The following PCNT variants were observed in gnomAD, a reference collection of about 807,000 sequenced individuals.
The protein encoded by PCNT is pericentrin.
A neutral mutation model predicts 380.4 loss-of-function variants in PCNT; 319 were observed. The observed-to-expected ratio is 0.84, with a 90% CI of 0.77 to 0.92. PCNT has a LOEUF of 0.92. Ranked by LOEUF, PCNT falls within the 40% of genes least tolerant of loss-of-function variation. The probability of loss-of-function intolerance (pLI) is 0.00; values close to 1 mark genes in which losing one functional copy is unlikely to be tolerated. For missense variants in PCNT, 4,400 were observed against 4,255.3 expected (o/e 1.03, Z -0.95); for synonymous variants, 1,845 against 1,735.2 (o/e 1.06, Z -1.57).
At chr21:46,341,268 G>A (rs1453294246) in intron 3 of PCNT, among the ~76,000 whole-genome samples, 1 of 152,038 alleles carries the variant, frequency 6.6e-6, no homozygotes, top group African/African-American at 2.4e-5. Flanking sequence ...CACTTCTCAG[G>A]ATCTTTTTTT....
In PCNT at chr21:46,391,434, A is replaced by G. The variant is rs1489628376; in HGVS notation, c.4216+58A>G. On this transcript the variant is annotated intron_variant, in intron 21 of 46. Coordinates refer to ENST00000359568, the MANE Select transcript of PCNT (RefSeq NM_006031.6). ...GCTGTGGGGCGCGGATACAGCTGCC[A>G]CGGTTTCCCCAGCTCCCAAGGACAC... 5.0e-6 allele frequency: 7 copies of G among 1,392,636 alleles called. No individual in the cohort carries two copies. The Admixed American group carries it at 8.1e-5, about 16-fold the overall frequency. 86.3% of individuals were successfully genotyped at this position (1,392,636 alleles called of 1,614,324 possible). A position where few individuals can be genotyped will look rare whatever the true frequency, so the allele number is the denominator to read the frequency against.
intron 21 of PCNT, among the ~76,000 whole-genome samples, chr21:46,393,576 C>T (rs922977577): frequency 6.6e-6 from 1 of 152,192 alleles, no homozygotes; most frequent in Non-Finnish European, 1.5e-5. Context: ...TTCATCACCT[C>T]GAGCCCTTGG....
chr21:46,330,713 G>A (rs1030398837), intron 2 of PCNT, among the ~76,000 whole-genome samples: 6 of 152,092 alleles, frequency 3.9e-5, no homozygotes, highest in African/African-American at 1.4e-4. Flanking sequence ...GTTAAAATAG[G>A]AGTAATTTTG....
intron 27 of PCNT, among the ~76,000 whole-genome samples, chr21:46,409,279 C>T (rs1717796944): frequency 6.6e-6 from 1 of 151,186 alleles, no homozygotes; most frequent in South Asian, 2.1e-4. Flanking sequence ...ACCTCCGCCT[C>T]CCAGGCTCAA....
chr21:46,389,076 G>T, intron 18 of PCNT, 123 bp from the exon 19 acceptor site: 1 of 1,272,536 alleles, frequency 7.9e-7, no homozygotes, highest in Non-Finnish European at 1.1e-6. Context: ...CGTGGACGTG[G>T]CGCTGACTCA....
At chr21:46,325,223 C>G in intron 1 of PCNT, 2 of 978,084 alleles carry the variant, frequency 2.0e-6, no homozygotes, top group Non-Finnish European at 2.4e-6. Context: ...GCGCGCCGCT[C>G]CCCCCCAGGA....
At chr21:46,371,112 A>C (rs1029238667) in intron 15 of PCNT, among the ~76,000 whole-genome samples, 1 of 151,890 alleles carries the variant, frequency 6.6e-6, no homozygotes, top group African/African-American at 2.4e-5. Context: ...AGTTCCAGCT[A>C]CTTGGGAGGC....
chr21:46,324,393 C>T, intron 1 of PCNT, 111 bp downstream of exon 1: 1 of 944,262 alleles, frequency 1.1e-6, no homozygotes, highest in Non-Finnish European at 1.7e-6. Context: ...CGGAAGCCGC[C>T]GCGGAGGTCT....
intron 35 of PCNT, among the ~76,000 whole-genome samples, chr21:46,429,351 G>A (rs1264697762): frequency 1.0e-5 from 1 of 96,132 alleles, no homozygotes; most frequent in Middle Eastern, 4.9e-3. Context: ...CGCTGTGCAC[G>A]TGCTCGTGAG....
At chr21:46,349,604 G>A (rs930879661) in intron 7 of PCNT, 80 bp from the exon 8 acceptor site, 1 of 1,474,246 alleles carries the variant, frequency 6.8e-7, no homozygotes, top group African/African-American at 1.4e-5. Context: ...AGCGCTCTGG[G>A]TGCACCATTA....
Position 46,389,438 on chromosome 21 carries a change from C to T in PCNT, c.3840+7C>T. On this transcript the variant is annotated splice_region_variant and intron_variant, in intron 19 of 46. Coordinates refer to ENST00000359568, the MANE Select transcript of PCNT (RefSeq NM_006031.6). Reference sequence around the variant, plus strand: ...CCTGGACTCCAGCAGGCAGGTGAGGCCCAGGCTCCCGGGGTCCTGTGGAGA... The same window carrying T: ...CCTGGACTCCAGCAGGCAGGTGAGGTCCAGGCTCCCGGGGTCCTGTGGAGA... 1 of 1,608,876 alleles carries T rather than the reference C, an allele frequency of 6.2e-7. No individual in the cohort carries two copies. Among genetic ancestry groups the T allele is most frequent in the African/African-American group, 1.3e-5 (1 of 74,936 alleles).
In PCNT at chr21:46,411,727, C is replaced by A. The variant is rs140687867; in HGVS notation, c.5654C>A (p.Ala1885Glu). The A allele has an allele frequency of 1.2e-6, 2 of 1,612,164 alleles. No homozygotes were observed. Among genetic ancestry groups the A allele is most frequent in the South Asian group, 1.1e-5 (1 of 91,084 alleles). The stretch of plus-strand genomic sequence containing the variant: ...ATCGACGCTCTGAACCAGCGGAAGG[C>A]GGCCCACTCTGCCGAGCTGGAGGCC... ...LEIDALNQRK[A>E]AHSAELEAVL... Residue 1885 changes from alanine (A) to glutamate (E), a missense_variant, in exon 28 of 47, where the codon GCG becomes GAG. Physicochemically the swap from Ala to Glu is moderately radical, Grantham distance 107 (BLOSUM62 -1). Coordinates refer to ENST00000359568, the MANE Select transcript of PCNT (RefSeq NM_006031.6).
At chr21:46,443,556 C>T (rs999542701) in intron 44 of PCNT, among the ~76,000 whole-genome samples, 1 of 152,194 alleles carries the variant, frequency 6.6e-6, no homozygotes, top group Admixed American at 6.5e-5. Flanking sequence ...GCAGGACCCC[C>T]ACCCAGGTCT....
At chr21:46,325,863 G>A (rs2146230782) in intron 1 of PCNT, among the ~76,000 whole-genome samples, 1 of 152,304 alleles carries the variant, frequency 6.6e-6, no homozygotes, top group South Asian at 2.1e-4. Flanking sequence ...ATGAAAAATA[G>A]AACATCTGAT....
intron 12 of PCNT, 62 bp downstream of exon 12, chr21:46,355,688 G>A (rs1232146559): frequency 8.8e-5 from 137 of 1,561,040 alleles, no homozygotes; most frequent in Non-Finnish European, 1.1e-4. Context: ...CGTTCTCGGG[G>A]AGCCTGGGTG....
intron 15 of PCNT, among the ~76,000 whole-genome samples, chr21:46,377,844 C>G (rs1378893883): frequency 6.9e-6 from 1 of 145,666 alleles, no homozygotes; most frequent in South Asian, 2.2e-4. Context: ...AACGTTGTCT[C>G]AAAAGATAAT....
At position 46,397,547 on chromosome 21, in the gene PCNT, G is replaced by A; in HGVS notation, c.4446+53G>A. Reference sequence around the variant, plus strand: ...TGCATCACTAAAAGTTGCCGTTACAGCATGAACTTCTTTCCAGATCGTTAC... The same window carrying A: ...TGCATCACTAAAAGTTGCCGTTACAACATGAACTTCTTTCCAGATCGTTAC... On this transcript the variant is annotated intron_variant, in intron 22 of 46. Transcript: ENST00000359568. 6 of 1,427,204 alleles carry A rather than the reference G, an allele frequency of 4.2e-6. No individual in the cohort carries two copies. The South Asian group carries it at 4.6e-5, about 11-fold the overall frequency. 88.4% of individuals were successfully genotyped at this position (1,427,204 alleles called of 1,614,324 possible).
At chr21:46,393,727 G>A (rs1371865672) in intron 21 of PCNT, among the ~76,000 whole-genome samples, 1 of 152,210 alleles carries the variant, frequency 6.6e-6, no homozygotes, top group East Asian at 1.9e-4. Flanking sequence ...CCCTGGGCCT[G>A]AGCACGTGGG....
At chr21:46,434,727 C>T (rs2087895741) in intron 38 of PCNT, among the ~76,000 whole-genome samples, 1 of 152,238 alleles carries the variant, frequency 6.6e-6, no homozygotes, top group Non-Finnish European at 1.5e-5. Context: ...GGCTTAGGAG[C>T]TCAGGCCCAC....
Sources: gnomAD v4.1 joint callset for allele counts (sites outside exome capture counted in the v4.1 genomes callset) on GRCh38, gnomAD v4.1.1 for gene constraint, MANE v1.5 for transcripts, NCBI Gene and HGNC (gene_info 2026-07-23, HGNC 2026-07-21) for gene names.